The following STMN4 variants were observed in gnomAD, a reference collection of about 807,000 sequenced individuals.
STMN4 encodes stathmin 4, also known as stathmin-4.
Under a neutral mutation model 29.1 loss-of-function variants are expected in STMN4, and 12 were observed. That is an observed-to-expected ratio of 0.41 (90% confidence interval 0.26 to 0.67). STMN4 has a LOEUF of 0.67. Among genes scored for constraint, STMN4 ranks in the 30% least tolerant of loss-of-function variants. The pLI is 0.30. For missense variants in STMN4, 181 were observed against 262.8 expected (o/e 0.69, Z 2.15); for synonymous variants, 114 against 105.3 (o/e 1.08, Z -0.51).
intron 1 of STMN4, among the ~76,000 whole-genome samples, chr8:27,257,400 C>T (rs1415532305): frequency 6.7e-6 from 1 of 150,178 alleles, no homozygotes; most frequent in Admixed American, 6.6e-5. Context: ...TATCCCTTCC[C>T]AGGGCATTCA....
At chr8:27,251,782 A>T (rs55679214) in intron 1 of STMN4, among the ~76,000 whole-genome samples, 1 of 145,988 alleles carries the variant, frequency 6.8e-6, no homozygotes, top group African/African-American at 2.5e-5. Context: ...TTTAAAAAAA[A>T]TTTCTTTTTT....
rs779778346 is a variant in STMN4, at chr8:27,236,801, C to T, written c.*45G>A. On this transcript the variant is annotated 3_prime_UTR_variant, in exon 7 of 7. Coordinates refer to ENST00000350889, the MANE Select transcript of STMN4 (RefSeq NM_030795.4). The stretch of plus-strand genomic sequence containing the variant: ...CGAGGCTGCCTGGAACGTGGAGCTG[C>T]TGGAGCTGTCCGGCTGACCTGGAAA... The T allele has an allele frequency of 6.5e-7, 1 of 1,544,970 alleles. No homozygotes were observed.
intron 6 of STMN4, chr8:27,239,432 T>A: frequency 2.5e-6 from 2 of 811,576 alleles, no homozygotes; most frequent in South Asian, 3.6e-5. Flanking sequence ...ATGTTTCTCA[T>A]ATTTAGGTGA....
intron 1 of STMN4, among the ~76,000 whole-genome samples, chr8:27,251,368 C>T (rs1801781153): frequency 6.7e-6 from 1 of 148,354 alleles, no homozygotes; most frequent in African/African-American, 2.5e-5. Flanking sequence ...GAAGAATCAG[C>T]ATCACAGAAG....
chr8:27,246,801 C>T (rs1246874600), intron 1 of STMN4, among the ~76,000 whole-genome samples: 1 of 152,206 alleles, frequency 6.6e-6, no homozygotes, highest in African/African-American at 2.4e-5. Context: ...AGTCCACTGA[C>T]ATCTCAGCTT....
At chr8:27,253,102 CTA>C (rs1801839542) in intron 1 of STMN4, among the ~76,000 whole-genome samples, 1 of 152,216 alleles carries the variant, frequency 6.6e-6, no homozygotes, top group Non-Finnish European at 1.5e-5. Flanking sequence ...ATGGAGCTCT[CTA>C]GAGTTTCCAT....
rs1486650531 is a variant in STMN4 at position 27,235,999 on chromosome 8, G to C, written c.*847C>G. 2 of 152,202 alleles carry C rather than the reference G, an allele frequency of 1.3e-5. No individual in the cohort carries two copies. Among genetic ancestry groups the C allele is most frequent in the African/African-American group, 2.4e-5 (1 of 41,442 alleles). 9.4% of individuals were successfully genotyped at this position (152,202 alleles called of 1,614,324 possible). On this transcript the variant is annotated 3_prime_UTR_variant, in exon 7 of 7. Coordinates refer to ENST00000350889, the MANE Select transcript of STMN4 (RefSeq NM_030795.4). Reference sequence around the variant, plus strand: ...ATTCCTTCTTACAGTGCATCTTGGGGACCATATTAGGATGTCAGTTCATTG... The same window carrying C: ...ATTCCTTCTTACAGTGCATCTTGGGCACCATATTAGGATGTCAGTTCATTG...
At chr8:27,254,451 T>G (rs1801878964) in intron 1 of STMN4, among the ~76,000 whole-genome samples, 1 of 152,188 alleles carries the variant, frequency 6.6e-6, no homozygotes, top group Admixed American at 6.5e-5. Flanking sequence ...GGCTCCCGCC[T>G]TTTCTGATCT....
chr8:27,256,188 G>A (rs1381142259), intron 1 of STMN4, among the ~76,000 whole-genome samples: 1 of 152,108 alleles, frequency 6.6e-6, no homozygotes, highest in Non-Finnish European at 1.5e-5. Context: ...TGTAGGATGG[G>A]ATTTTCCAGG....
At chr8:27,243,077 C>T (rs996998845) in intron 2 of STMN4, among the ~76,000 whole-genome samples, 1 of 152,306 alleles carries the variant, frequency 6.6e-6, no homozygotes, top group Admixed American at 6.5e-5. Flanking sequence ...ATATCCCCGC[C>T]ACCCTCTAGT....
intron 5 of STMN4, 143 bp from the exon 6 acceptor site, chr8:27,240,305 A>G: frequency 1.1e-6 from 1 of 878,272 alleles, no homozygotes. Flanking sequence ...AAACAAGGAC[A>G]CTTCCTAAAT....
intron 3 of STMN4, 30 bp from the exon 4 acceptor site, chr8:27,241,787 C>A: frequency 1.3e-5 from 21 of 1,613,058 alleles, no homozygotes; most frequent in Non-Finnish European, 1.8e-5. Context: ...TCAGGTCATC[C>A]GAGCATGCCT....
intron 6 of STMN4, chr8:27,239,088 TGCCTC>T: frequency 1.0e-6 from 1 of 995,824 alleles, no homozygotes; most frequent in South Asian, 1.8e-5. Flanking sequence ...GCACAGGGGC[TGCCTC>T]GTGCTGGCCA....
chr8:27,247,973 T>C (rs1467395767), intron 1 of STMN4, among the ~76,000 whole-genome samples: 1 of 152,196 alleles, frequency 6.6e-6, no homozygotes, highest in Non-Finnish European at 1.5e-5. Context: ...AGGAAATTCA[T>C]TGCATCCAGC....
At chr8:27,237,126 T>G (rs2130033907) in intron 6 of STMN4, among the ~76,000 whole-genome samples, 1 of 152,088 alleles carries the variant, frequency 6.6e-6, no homozygotes, top group East Asian at 1.9e-4. Context: ...CAGGGTCCTG[T>G]GGGTGTCAAA....
intron 1 of STMN4, among the ~76,000 whole-genome samples, chr8:27,245,970 G>A (rs1048813847): frequency 2.6e-5 from 4 of 152,208 alleles, no homozygotes; most frequent in African/African-American, 9.6e-5. Context: ...AGAACCTGGG[G>A]TTTGGAGAAG....
intron 6 of STMN4, among the ~76,000 whole-genome samples, chr8:27,238,116 G>C (rs1006234359): frequency 8.5e-5 from 13 of 152,152 alleles, no homozygotes; most frequent in Non-Finnish European, 2.9e-5. Flanking sequence ...CAGGGCAGGG[G>C]TTCCCAAACT....
Position 27,241,732 on chromosome 8 carries a change from C to T in STMN4, c.135G>A (p.Arg45=), listed in dbSNP as rs1173723071. The change falls in exon 4 of 7, where the codon AGG becomes AGA. Residue 45 remains arginine (R), a synonymous_variant. Coordinates refer to ENST00000350889, the MANE Select transcript of STMN4 (RefSeq NM_030795.4). ...TGTCTTTCCGCTGGCTTTCATCCTT[C>T]CTCCTACACTGTCTCCCACACCAGC... The part of the protein sequence containing the change: ...YEGWCGRQCR[R]KDESQRKDSA... The T allele has an allele frequency of 1.2e-6, 2 of 1,614,204 alleles. No individual in the cohort carries two copies. The highest frequency in any genetic ancestry group is 1.7e-6 in the Non-Finnish European group (2 of 1,180,028).
Position 27,240,087 on chromosome 8 carries a change from C to T in STMN4, c.475G>A (p.Glu159Lys). ...HEREVIQKAI[E>K]ENNNFIKMAK... ...ATCTTGATGAAGTTGTTGTTTTCCT[C>T]AATGGCCTTTTGGATCACCTCTCTC... Residue 159 changes from glutamate (E) to lysine (K), a missense_variant, in exon 6 of 7, where the codon GAG becomes AAG. Coordinates refer to ENST00000350889, the MANE Select transcript of STMN4 (RefSeq NM_030795.4). 2.5e-6 allele frequency: 4 copies of T among 1,614,240 alleles called. No individual in the cohort carries two copies. Among genetic ancestry groups the T allele is most frequent in the Non-Finnish European group, 2.5e-6 (3 of 1,180,048 alleles).
Sources: allele counts gnomAD v4.1 joint callset (sites outside exome capture counted in the v4.1 genomes callset), GRCh38; gene constraint gnomAD v4.1.1; transcripts MANE v1.5; gene names NCBI Gene and HGNC (gene_info 2026-07-23, HGNC 2026-07-21).